Variants in FAT3 observed in about 807,000 individuals in gnomAD.
FAT3 encodes protocadherin Fat 3.
A neutral mutation model predicts 310.2 loss-of-function variants in FAT3; 95 were observed. The observed-to-expected ratio is 0.31, with a 90% CI of 0.26 to 0.36. The LOEUF (loss-of-function observed/expected upper bound fraction) is 0.36. FAT3 is among the 10% of genes least tolerant of loss of function. FAT3 has a pLI of 1.00. For missense variants in FAT3, 5,408 were observed against 5,715.6 expected, an observed-to-expected ratio of 0.95 and a Z score of 1.74; for synonymous variants, 2,314 against 2,192.9, an observed-to-expected ratio of 1.06 and a Z score of -1.54.
At chr11:92,818,601 C>G (rs1947883581) in intron 13 of FAT3, among the ~76,000 whole-genome samples, 2 of 152,176 alleles carry the variant, frequency 1.3e-5, no homozygotes, top group Non-Finnish European at 2.9e-5. Flanking sequence ...AGAAACACAT[C>G]TAGTAACTGG....
At chr11:92,485,845 G>A (rs1361304639) in intron 2 of FAT3, among the ~76,000 whole-genome samples, 1 of 152,130 alleles carries the variant, frequency 6.6e-6, no homozygotes, top group Non-Finnish European at 1.5e-5. Context: ...TTGATGACAG[G>A]ACTTCTGATT....
intron 2 of FAT3, among the ~76,000 whole-genome samples, chr11:92,507,938 T>C (rs187373750): frequency 6.6e-6 from 1 of 152,184 alleles, no homozygotes; most frequent in Admixed American, 6.5e-5. Context: ...TGTGATTGTG[T>C]CAACACTGGT....
chr11:92,762,257 T>G (rs1014504827), intron 5 of FAT3, 87 bp downstream of exon 5: 2 of 1,357,474 alleles, frequency 1.5e-6, no homozygotes, highest in Non-Finnish European at 1.0e-6. Context: ...GCAATAAATC[T>G]TTAGAGTAAA....
intron 2 of FAT3, among the ~76,000 whole-genome samples, chr11:92,471,915 CTA>C (rs140886151): frequency 0.024 from 3,029 of 124,380 alleles, 39 homozygotes; most frequent in East Asian, 0.054. Context: ...TTTTCATATG[CTA>C]TATATATATA....
intron 3 of FAT3, among the ~76,000 whole-genome samples, chr11:92,683,850 C>G (rs1005151039): frequency 6.6e-6 from 1 of 152,120 alleles, no homozygotes; most frequent in Non-Finnish European, 1.5e-5. Flanking sequence ...GTTGAACTAG[C>G]TAGTCCCAGA....
Position 92,353,677 on chromosome 11 carries a change from A to G in FAT3, c.1565A>G (p.Asn522Ser). The G allele has an allele frequency of 1.2e-6, 2 of 1,613,930 alleles. No individual in the cohort carries two copies. Among genetic ancestry groups the G allele is most frequent in the Non-Finnish European group, 1.7e-6 (2 of 1,179,874 alleles). ...CTGAATTTGTTACCATTTGTCATTAATCAGTTTACAGGTGTTATTAGCACA... is the reference window on the plus strand; with the variant it reads ...CTGAATTTGTTACCATTTGTCATTAGTCAGTTTACAGGTGTTATTAGCACA... ...ASLNLLPFVI[N>S]QFTGVISTTE... is the part of the protein sequence containing the mutation. Residue 522 changes from asparagine (N) to serine (S), a missense_variant, in exon 2 of 28, where the codon AAT becomes AGT. Physicochemically the swap from Asn to Ser is conservative, Grantham distance 46 (BLOSUM62 1). Transcript: ENST00000525166.
intron 3 of FAT3, among the ~76,000 whole-genome samples, chr11:92,604,447 A>G (rs939246785): frequency 6.6e-6 from 1 of 152,190 alleles, no homozygotes; most frequent in Non-Finnish European, 1.5e-5. Flanking sequence ...GCAGGTGATT[A>G]GTTGATAATC....
At chr11:92,836,148 G>T (rs1419040716) in intron 15 of FAT3, among the ~76,000 whole-genome samples, 1 of 152,176 alleles carries the variant, frequency 6.6e-6, no homozygotes, top group East Asian at 1.9e-4. Context: ...TGCTGTGTGG[G>T]AAGGGGAACT....
intron 9 of FAT3, 93 bp downstream of exon 9, chr11:92,793,070 A>T: frequency 4.5e-6 from 6 of 1,323,862 alleles, no homozygotes; most frequent in South Asian, 2.7e-5. Context: ...GATCATTAAC[A>T]GTGGAACATC....
In FAT3 at chr11:92,799,494, A is replaced by G; in HGVS notation, c.6481A>G (p.Lys2161Glu). ...NIEYGVTILA[K>E]DGGKPSLSTS... ...TGAGTATGGAGTCACCATCCTAGCC[A>G]AGGATGGCGGAAAACCTTCTTTGTC... The change falls in exon 10 of 28, where the codon AAG (lysine) becomes GAG (glutamate). Residue 2161 changes from lysine (K) to glutamate (E), a missense_variant. Physicochemically the swap from Lys to Glu is moderately conservative, Grantham distance 56 (BLOSUM62 1). Around this residue, in one of 5 missense-constraint regions of FAT3, gnomAD observed 4,588 missense variants for 4,809.8 expected, o/e 0.95. Transcript: ENST00000525166. 1 of 1,613,684 alleles carries G rather than the reference A, an allele frequency of 6.2e-7. No individual in the cohort carries two copies. Among genetic ancestry groups the G allele is most frequent in the Non-Finnish European group, 8.5e-7 (1 of 1,179,776 alleles).
At chr11:92,572,253 T>C (rs992800948) in intron 3 of FAT3, among the ~76,000 whole-genome samples, 2 of 152,194 alleles carry the variant, frequency 1.3e-5, no homozygotes, top group African/African-American at 4.8e-5. Context: ...ATATGTACTA[T>C]TTACTTAGGT....
At chr11:92,874,041 G>A (rs1949461336) in intron 22 of FAT3, among the ~76,000 whole-genome samples, 1 of 152,152 alleles carries the variant, frequency 6.6e-6, no homozygotes, top group South Asian at 2.1e-4. Flanking sequence ...GAGACAGAAT[G>A]CACAGAAAGT....
intron 3 of FAT3, among the ~76,000 whole-genome samples, chr11:92,678,912 A>T (rs1002201676): frequency 6.6e-6 from 1 of 152,222 alleles, no homozygotes; most frequent in African/African-American, 2.4e-5. Context: ...CCCAAATAAC[A>T]TACATTGTAT....
intron 4 of FAT3, among the ~76,000 whole-genome samples, chr11:92,729,680 C>T (rs1945115465): frequency 6.6e-6 from 1 of 152,036 alleles, no homozygotes; most frequent in South Asian, 2.1e-4. Context: ...CCACCTCGGC[C>T]TCCCAAAGTG....
intron 2 of FAT3, among the ~76,000 whole-genome samples, chr11:92,472,876 C>T (rs1000959081): frequency 1.3e-5 from 2 of 152,208 alleles, no homozygotes; most frequent in African/African-American, 4.8e-5. Flanking sequence ...TCTAAGCCCC[C>T]TCTGCCCCCT....
chr11:92,757,166 C>T (rs535535258), intron 4 of FAT3, among the ~76,000 whole-genome samples: 5 of 152,148 alleles, frequency 3.3e-5, no homozygotes, highest in South Asian at 2.1e-4. Context: ...TCAGGTGATC[C>T]GCCCACCTCG....
At chr11:92,398,072 G>C (rs1246217694) in intron 2 of FAT3, among the ~76,000 whole-genome samples, 3 of 151,944 alleles carry the variant, frequency 2.0e-5, no homozygotes. Flanking sequence ...CTGTTCTAAG[G>C]GAGAATCCTT....
chr11:92,585,854 G>A (rs192159501), intron 3 of FAT3, among the ~76,000 whole-genome samples: 32 of 151,340 alleles, frequency 2.1e-4, no homozygotes, highest in African/African-American at 7.0e-4. Context: ...TTAAAGGCAT[G>A]GTACTTATTC....
At chr11:92,492,532 T>G (rs547687020) in intron 2 of FAT3, among the ~76,000 whole-genome samples, 42 of 152,210 alleles carry the variant, frequency 2.8e-4, no homozygotes, top group African/African-American at 9.4e-4. Flanking sequence ...GGTAGCTTTA[T>G]TATTATTGCT....
Sources: allele counts gnomAD v4.1 joint callset (sites outside exome capture counted in the v4.1 genomes callset), GRCh38; gene constraint gnomAD v4.1.1; regional missense constraint gnomAD v4.1.1; transcripts MANE v1.5; gene names NCBI Gene and HGNC (gene_info 2026-07-23, HGNC 2026-07-21).